The following NAALADL2 variants were observed in gnomAD, a reference collection of about 807,000 sequenced individuals.
NAALADL2 encodes the protein N-acetylated alpha-linked acidic dipeptidase like 2.
NAALADL2 carries 76 observed loss-of-function variants against 87.2 expected under a neutral mutation model. That is an observed-to-expected ratio of 0.87 (90% CI 0.72 to 1.05). The LOEUF is 1.05. NAALADL2 is among the 50% of genes least tolerant of loss of function. The pLI is 0.00. For missense variants in NAALADL2, 1,089 were observed against 945.8 expected, an observed-to-expected ratio of 1.15 and a Z score of -1.99; for synonymous variants, 354 against 331.0, an observed-to-expected ratio of 1.07 and a Z score of -0.75.
chr3:175,699,713 G>C (rs1010561677), intron 11 of NAALADL2, among the ~76,000 whole-genome samples: 1 of 151,698 alleles, frequency 6.6e-6, no homozygotes, highest in Admixed American at 6.6e-5. Context: ...ATACAAATCA[G>C]TATATTTATT....
At position 174,464,438 on chromosome 3, in the gene NAALADL2, G is replaced by A. The variant is rs972243073; in HGVS notation, c.-184+23406G>A. 9.3e-5 allele frequency among the ~76,000 whole-genome samples: 14 copies of A among 149,990 alleles called. No homozygotes were observed. In the South Asian group the frequency reaches 1.3e-3, roughly 14 times the overall value. On this transcript the variant is annotated intron_variant, in intron 1 of 3. Transcript: ENST00000434257. ...TGTTAATAGTAACTTCTGGGGGGTC[G>A]GGGGATGGGAAAGTGGTCTTATCAT... is the stretch of plus-strand genomic sequence containing the variant.
intron 1 of NAALADL2, among the ~76,000 whole-genome samples, chr3:175,034,907 C>T (rs1753228156): frequency 1.3e-5 from 2 of 152,130 alleles, no homozygotes; most frequent in South Asian, 4.1e-4. Flanking sequence ...TTATATATTT[C>T]TTTAATGTGT....
chr3:174,869,381 C>T (rs1727527458), intron 1 of NAALADL2, among the ~76,000 whole-genome samples: 1 of 152,016 alleles, frequency 6.6e-6, no homozygotes, highest in African/African-American at 2.4e-5. Flanking sequence ...CAAATGGAAG[C>T]TGAAGTTCAG....
At chr3:174,906,069 A>G (rs972517104) in intron 1 of NAALADL2, among the ~76,000 whole-genome samples, 3 of 152,128 alleles carry the variant, frequency 2.0e-5, no homozygotes, top group Admixed American at 2.0e-4. Flanking sequence ...ATACTACAAT[A>G]TAACCATGAA....
intron 1 of NAALADL2, among the ~76,000 whole-genome samples, chr3:174,498,114 T>C (rs1004119972): frequency 1.3e-5 from 2 of 152,292 alleles, no homozygotes; most frequent in Admixed American, 1.3e-4. Flanking sequence ...TTTATATGTG[T>C]GATATTATCA....
chr3:174,826,254 T>C (rs562711409), intron 3 of NAALADL2, among the ~76,000 whole-genome samples: 2 of 152,346 alleles, frequency 1.3e-5, no homozygotes, highest in South Asian at 4.1e-4. Flanking sequence ...ATGTAGACTA[T>C]GTATATTCAG....
chr3:174,726,183 C>G (rs908463233), intron 2 of NAALADL2, among the ~76,000 whole-genome samples: 1 of 152,052 alleles, frequency 6.6e-6, no homozygotes, highest in South Asian at 2.1e-4. Flanking sequence ...AAAGGCGGGC[C>G]TCTGTATACA....
At chr3:175,605,132 T>A (rs1005286161) in intron 10 of NAALADL2, among the ~76,000 whole-genome samples, 1 of 152,206 alleles carries the variant, frequency 6.6e-6, no homozygotes, top group Non-Finnish European at 1.5e-5. Context: ...TCAGCAGAGA[T>A]CTGATGTCAT....
rs117890495 is a variant in NAALADL2 at position 175,449,189 on chromosome 3, T to C, written c.1234+1817T>C. ...AAACCCCTGGGCTCAAGTGATCCTCTTGCTTCAGCCTTCCGAGTAGCTAGG... is the reference window on the plus strand; with the variant it reads ...AAACCCCTGGGCTCAAGTGATCCTCCTGCTTCAGCCTTCCGAGTAGCTAGG... On this transcript the variant is annotated intron_variant, in intron 6 of 13. Coordinates refer to ENST00000454872, the MANE Select transcript of NAALADL2 (RefSeq NM_207015.3). Among the ~76,000 whole-genome samples the C allele has an allele frequency of 3.5e-4, 53 of 152,166 alleles. No homozygotes were observed. The East Asian group carries it at 9.5e-3, about 27-fold the overall frequency.
intron 1 of NAALADL2, among the ~76,000 whole-genome samples, chr3:175,036,333 A>G (rs1332564076): frequency 2.6e-5 from 4 of 152,156 alleles, no homozygotes; most frequent in Non-Finnish European, 5.9e-5. Context: ...ACTGACTTTT[A>G]ATTTCTGCTC....
intron 5 of NAALADL2, among the ~76,000 whole-genome samples, chr3:175,408,418 C>A (rs942580659): frequency 5.9e-5 from 9 of 151,890 alleles, no homozygotes; most frequent in African/African-American, 2.2e-4. Context: ...GTGTATTAAA[C>A]AGAAATTTAA....
intron 5 of NAALADL2, among the ~76,000 whole-genome samples, chr3:175,335,715 G>A (rs957420839): frequency 6.6e-6 from 1 of 152,122 alleles, no homozygotes; most frequent in African/African-American, 2.4e-5. Flanking sequence ...TTTGAGAGAT[G>A]TGTCTTGTAT....
chr3:175,452,631 A>C, intron 6 of NAALADL2, among the ~76,000 whole-genome samples: 1 of 152,126 alleles, frequency 6.6e-6, no homozygotes, highest in Non-Finnish European at 1.5e-5. Flanking sequence ...AAGAACTGAT[A>C]TGTGTGGAGA....
At chr3:174,710,949 C>G (rs1730568360) in intron 2 of NAALADL2, among the ~76,000 whole-genome samples, 1 of 152,128 alleles carries the variant, frequency 6.6e-6, no homozygotes, top group Admixed American at 6.5e-5. Flanking sequence ...TTGTTTGAAG[C>G]CACTGTTTGT....
chr3:175,367,282 G>A (rs1166090773), intron 5 of NAALADL2, among the ~76,000 whole-genome samples: 2 of 151,862 alleles, frequency 1.3e-5, no homozygotes, highest in African/African-American at 4.8e-5. Context: ...ATAGTTTGAA[G>A]TCAGGTAGCA....
At chr3:175,534,037 T>TAAATAAATTATTTATTTATA (rs1356333947) in intron 9 of NAALADL2, among the ~76,000 whole-genome samples, 2,854 of 149,764 alleles carry the variant, frequency 0.019, 71 homozygotes, top group African/African-American at 0.044. Flanking sequence ...ATTTATTTAT[T>TAAATAAATTATTTATTTATA]ATAAATAAAT....
At chr3:174,792,025 A>G (rs1378219682) in intron 3 of NAALADL2, among the ~76,000 whole-genome samples, 2 of 152,126 alleles carry the variant, frequency 1.3e-5, no homozygotes, top group Non-Finnish European at 2.9e-5. Context: ...CCTGGCCAAC[A>G]TGGTGAAACT....
chr3:174,526,153 T>A (rs190405646), intron 1 of NAALADL2, among the ~76,000 whole-genome samples: 1 of 152,336 alleles, frequency 6.6e-6, no homozygotes, highest in East Asian at 1.9e-4. Context: ...CACTTACCAG[T>A]TGAGGCTTAT....
intron 9 of NAALADL2, among the ~76,000 whole-genome samples, chr3:175,552,216 G>A (rs1327898305): frequency 6.6e-6 from 1 of 152,066 alleles, no homozygotes; most frequent in Non-Finnish European, 1.5e-5. Context: ...GTTAAGTAGT[G>A]ATATGCAGTC....
Sources: gnomAD v4.1 joint callset for allele counts (sites outside exome capture counted in the v4.1 genomes callset) on GRCh38, gnomAD v4.1.1 for gene constraint, MANE v1.5 for transcripts, NCBI Gene and HGNC (gene_info 2026-07-23, HGNC 2026-07-21) for gene names.